The following RBFOX1 variants were observed in gnomAD, a reference collection of about 807,000 sequenced individuals.
RBFOX1 encodes the protein RNA binding fox-1 homolog 1, also known as RNA binding protein fox-1 homolog 1.
A neutral mutation model predicts 57.7 loss-of-function variants in RBFOX1; 8 were observed. That is an observed-to-expected ratio of 0.14 (90% CI 0.08 to 0.25). The LOEUF is 0.25. Among genes scored for constraint, RBFOX1 ranks in the 10% least tolerant of loss-of-function variants. The pLI is 1.00. For missense variants in RBFOX1, 611 were observed against 548.5 expected, an observed-to-expected ratio of 1.11 and a Z score of -1.14; for synonymous variants, 326 against 222.4, an observed-to-expected ratio of 1.47 and a Z score of -4.15.
At chr16:6,159,451 A>G (rs951885956) in intron 1 of RBFOX1, among the ~76,000 whole-genome samples, 1 of 152,174 alleles carries the variant, frequency 6.6e-6, no homozygotes, top group African/African-American at 2.4e-5. Context: ...AGAATGCTCA[A>G]AGATGGGCAT....
At chr16:6,816,549 G>T (rs1020903105) in intron 3 of RBFOX1, among the ~76,000 whole-genome samples, 2 of 151,588 alleles carry the variant, frequency 1.3e-5, no homozygotes, top group African/African-American at 4.8e-5. Flanking sequence ...AGACCATCCT[G>T]GCTAACACAG....
At chr16:6,935,572 G>C (rs916700784) in intron 3 of RBFOX1, among the ~76,000 whole-genome samples, 18 of 152,126 alleles carry the variant, frequency 1.2e-4, no homozygotes, top group African/African-American at 4.3e-4. Context: ...TGTTATCCTT[G>C]AATATTCAAA....
chr16:6,753,316 G>A (rs1290951354), intron 3 of RBFOX1, among the ~76,000 whole-genome samples: 1 of 152,192 alleles, frequency 6.6e-6, no homozygotes, highest in Non-Finnish European at 1.5e-5. Context: ...CAGCTTTGCT[G>A]TTTTGAGATT....
At chr16:6,337,076 C>G (rs1412541827) in intron 2 of RBFOX1, among the ~76,000 whole-genome samples, 1 of 152,158 alleles carries the variant, frequency 6.6e-6, no homozygotes, top group African/African-American at 2.4e-5. Context: ...GAGTTCAGAG[C>G]ACTTTATATT....
rs1232428351 is a variant in RBFOX1 at position 6,019,584 on chromosome 16, C to G, written c.-535C>G. ...ACTGGCTGGACCCACGCGCGCGCCT[C>G]CGGGGCTGAAGAAGGAAGGAGTGAG... On this transcript the variant is annotated 5_prime_UTR_variant, in exon 1 of 16. Transcript: ENST00000550418. The surrounding 1 kb of genome is among the most constrained non-coding windows in gnomAD (Gnocchi z 4.2). 2.2e-5 allele frequency: 26 copies of G among 1,187,898 alleles called. 1 individual carries two copies. Among genetic ancestry groups the G allele is most frequent in the Non-Finnish European group, 2.7e-5 (26 of 959,488 alleles). 73.6% of individuals were successfully genotyped at this position (1,187,898 alleles called of 1,614,324 possible).
At chr16:7,461,697 A>C (rs918129466) in intron 4 of RBFOX1, among the ~76,000 whole-genome samples, 1 of 152,350 alleles carries the variant, frequency 6.6e-6, no homozygotes. Context: ...TTACTGGAAG[A>C]TGATATGATA....
intron 3 of RBFOX1, among the ~76,000 whole-genome samples, chr16:5,723,792 A>G (rs1168793205): frequency 6.6e-6 from 1 of 152,208 alleles, no homozygotes; most frequent in Non-Finnish European, 1.5e-5. Context: ...CTATGGAGAA[A>G]GCAGTGGAGG....
intron 2 of RBFOX1, among the ~76,000 whole-genome samples, chr16:6,451,313 A>G (rs970349530): frequency 2.0e-5 from 3 of 152,158 alleles, no homozygotes; most frequent in South Asian, 4.1e-4. Flanking sequence ...AACATTAGGA[A>G]TAGTGGTTGC....
At chr16:5,686,724 C>T (rs1187167788) in intron 3 of RBFOX1, among the ~76,000 whole-genome samples, 2 of 152,058 alleles carry the variant, frequency 1.3e-5, no homozygotes, top group African/African-American at 4.8e-5. Flanking sequence ...GTGGAAATTG[C>T]CGAAATATAG....
chr16:7,348,892 A>G (rs1488270670), intron 4 of RBFOX1, among the ~76,000 whole-genome samples: 1 of 152,136 alleles, frequency 6.6e-6, no homozygotes, highest in African/African-American at 2.4e-5. Context: ...CAGTGAGCCA[A>G]GATTACGCCA....
chr16:6,122,993 C>G (rs1268392702), intron 1 of RBFOX1, among the ~76,000 whole-genome samples: 1 of 151,890 alleles, frequency 6.6e-6, no homozygotes, highest in Non-Finnish European at 1.5e-5. Context: ...ATGTAAACTG[C>G]TGTTCTCTGG....
intron 5 of RBFOX1, among the ~76,000 whole-genome samples, chr16:7,571,010 C>G (rs1188017104): frequency 6.6e-6 from 1 of 152,148 alleles, no homozygotes; most frequent in South Asian, 2.1e-4. Context: ...CATGTTCTCA[C>G]TCATAAGTGG....
intron 1 of RBFOX1, among the ~76,000 whole-genome samples, chr16:6,265,450 C>G (rs146588527): frequency 1.3e-5 from 2 of 151,946 alleles, no homozygotes; most frequent in African/African-American, 2.4e-5. Flanking sequence ...GTAGTAGAGA[C>G]GGGGTTTCAC....
intron 4 of RBFOX1, among the ~76,000 whole-genome samples, chr16:7,196,840 C>T (rs2086824399): frequency 1.3e-5 from 2 of 151,990 alleles, no homozygotes; most frequent in South Asian, 4.2e-4. Context: ...GCAAAGAGGA[C>T]AGCATGTGCA....
At chr16:5,621,635 C>T (rs1397074159) in intron 3 of RBFOX1, among the ~76,000 whole-genome samples, 2 of 152,116 alleles carry the variant, frequency 1.3e-5, no homozygotes, top group Non-Finnish European at 2.9e-5. Flanking sequence ...AATTCTTAAA[C>T]CCCTATCAAC....
At chr16:5,950,888 A>T (rs116929882) in intron 4 of RBFOX1, among the ~76,000 whole-genome samples, 1 of 152,064 alleles carries the variant, frequency 6.6e-6, no homozygotes, top group Non-Finnish European at 1.5e-5. Flanking sequence ...AGATGGCATT[A>T]TGGGGGAGGG....
chr16:6,236,792 G>A (rs1386690918), intron 1 of RBFOX1, among the ~76,000 whole-genome samples: 1 of 151,986 alleles, frequency 6.6e-6, no homozygotes, highest in East Asian at 1.9e-4. Flanking sequence ...TGTGTGTTAT[G>A]TCCACACGTT....
intron 4 of RBFOX1, among the ~76,000 whole-genome samples, chr16:7,146,614 C>G (rs555129065): frequency 6.6e-6 from 1 of 152,096 alleles, no homozygotes; most frequent in Admixed American, 6.5e-5. Flanking sequence ...CCAGCATATT[C>G]TTCAGCACTC....
intron 2 of RBFOX1, among the ~76,000 whole-genome samples, chr16:6,493,923 C>G (rs895183649): frequency 1.3e-5 from 2 of 152,162 alleles, no homozygotes; most frequent in African/African-American, 4.8e-5. Flanking sequence ...CTTAATACAT[C>G]TACAGTAGCA....
Sources: allele counts gnomAD v4.1 joint callset (sites outside exome capture counted in the v4.1 genomes callset), GRCh38; gene constraint gnomAD v4.1.1; non-coding constraint Gnocchi (gnomAD v3.1); transcripts MANE v1.5; gene names NCBI Gene and HGNC (gene_info 2026-07-23, HGNC 2026-07-21).